NAALAD2: variants seen among roughly 807,000 people sequenced by gnomAD.
The protein encoded by NAALAD2 is N-acetylated alpha-linked acidic dipeptidase 2, also known as N-acetylated-alpha-linked acidic dipeptidase 2.
NAALAD2 carries 89 observed loss-of-function variants against 95.6 expected under a neutral mutation model. That is an observed-to-expected ratio of 0.93 (90% CI 0.78 to 1.11). The LOEUF is 1.11. Among genes scored for constraint, NAALAD2 ranks in the 50% least tolerant of loss-of-function variants. The pLI is 0.00. For synonymous variants in NAALAD2, 264 were observed against 294.4 expected (o/e 0.90, Z 1.06); for missense variants, 894 against 872.4 (o/e 1.02, Z -0.31).
chr11:90,185,723 C>T (rs1043010336), intron 18 of NAALAD2, among the ~76,000 whole-genome samples: 1 of 151,982 alleles, frequency 6.6e-6, no homozygotes, highest in Non-Finnish European at 1.5e-5. Context: ...TACTGAATTT[C>T]AGATTAGGAT....
chr11:90,186,384 T>A (rs559316038), intron 18 of NAALAD2, among the ~76,000 whole-genome samples: 1 of 152,316 alleles, frequency 6.6e-6, no homozygotes, highest in South Asian at 2.1e-4. Context: ...CTGCATAGTA[T>A]TCCATGGTGT....
Position 90,192,740 on chromosome 11 carries a change from G to C in NAALAD2, c.*993G>C, listed in dbSNP as rs1857368844. 1 of 151,944 alleles carries C rather than the reference G, an allele frequency of 6.6e-6. No individual in the cohort carries two copies. Among genetic ancestry groups the C allele is most frequent in the South Asian group, 2.1e-4 (1 of 4,834 alleles). 9.4% of individuals were successfully genotyped at this position (151,944 alleles called of 1,614,324 possible). On this transcript the variant is annotated 3_prime_UTR_variant, in exon 19 of 19. Coordinates refer to ENST00000534061, the MANE Select transcript of NAALAD2 (RefSeq NM_005467.4). ...CTCTACTGAATAAACATATAAGTCT[G>C]ATGGGTGATGAAAATAGCTACTACA...
chr11:90,159,629 T>G (rs1187775494), intron 8 of NAALAD2, among the ~76,000 whole-genome samples: 1 of 152,112 alleles, frequency 6.6e-6, no homozygotes, highest in Non-Finnish European at 1.5e-5. Context: ...GTTTTTCAAA[T>G]AACTTACAAA....
upstream of NAALAD2, chr11:90,134,590 G>C (rs1281081953): frequency 1.7e-6 from 1 of 599,454 alleles, no homozygotes; most frequent in African/African-American, 1.9e-5. Context: ...CCCCATCGAG[G>C]GCCCCTGGGG....
At chr11:90,135,697 TA>T in intron 2 of NAALAD2, 27 bp downstream of exon 2, 1 of 1,566,108 alleles carries the variant, frequency 6.4e-7, no homozygotes. Context: ...TATTTGATCT[TA>T]AAAATCATGT....
chr11:90,186,763 T>C (rs1435300024), intron 18 of NAALAD2, among the ~76,000 whole-genome samples: 13 of 146,010 alleles, frequency 8.9e-5, no homozygotes, highest in Non-Finnish European at 1.8e-4. Context: ...GACATAGGCA[T>C]GGGCAAGGAC....
Position 90,144,757 on chromosome 11 carries a change from G to GAAAAAAAAAAAAAAAA in NAALAD2, c.195-2573_195-2572insAAAAAAAAAAAAAAAA, listed in dbSNP as rs1302696048. On this transcript the variant is annotated intron_variant, in intron 2 of 18. Coordinates refer to ENST00000534061, the MANE Select transcript of NAALAD2 (RefSeq NM_005467.4). ...AACTCCATTAAAAAAAAAAAAAAACGGAAAAGAAAGACAAGGAGGTCAAGG... is the reference window on the plus strand; with the variant it reads ...AACTCCATTAAAAAAAAAAAAAAACGAAAAAAAAAAAAAAAAGAAAAGAAAGACAAGGAGGTCAAGG... Among the ~76,000 whole-genome samples, 107 of 129,426 alleles carry GAAAAAAAAAAAAAAAA rather than the reference G, an allele frequency of 8.3e-4. 7 individuals are homozygous for GAAAAAAAAAAAAAAAA. Among genetic ancestry groups the GAAAAAAAAAAAAAAAA allele is most frequent in the South Asian group, 1.7e-3 (7 of 4,054 alleles). 84.9% of individuals were successfully genotyped at this position (129,426 alleles called of 152,430 possible).
In NAALAD2 at chr11:90,177,086, C is replaced by T. The variant is rs556579432; in HGVS notation, c.1594-767C>T. Among the ~76,000 whole-genome samples the T allele has an allele frequency of 4.6e-5, 7 of 152,022 alleles. 1 individual carries two copies. The Middle Eastern group carries it at 0.01, about 222-fold the overall frequency. On this transcript the variant is annotated intron_variant, in intron 15 of 18. Transcript: ENST00000534061. ...TTAGTGATACTAACAGCAGTAAGAACGATAGCCATACAAGGTGGCAAATAA... is the reference window on the plus strand; with the variant it reads ...TTAGTGATACTAACAGCAGTAAGAATGATAGCCATACAAGGTGGCAAATAA...
intron 3 of NAALAD2, among the ~76,000 whole-genome samples, chr11:90,148,292 GA>G (rs1246526519): frequency 6.6e-6 from 1 of 152,164 alleles, no homozygotes; most frequent in Non-Finnish European, 1.5e-5. Context: ...GAGGATGAGG[GA>G]TGGATTTCAG....
chr11:90,183,030 A>G lies in NAALAD2; in HGVS notation c.2033+22A>G, dbSNP rs746431101. 4.5e-6 allele frequency: 7 copies of G among 1,570,516 alleles called. 1 individual carries two copies. The South Asian group carries it at 6.7e-5, about 15-fold the overall frequency. ...ATAGGTAAGGAAACAACAGGCGCCA[A>G]ATACATCACTGTGACCAAAACCAGC... On this transcript the variant is annotated intron_variant, in intron 18 of 18. Transcript: ENST00000534061.
chr11:90,157,602 A>G (rs115095443), intron 6 of NAALAD2, among the ~76,000 whole-genome samples: 217 of 152,332 alleles, frequency 1.4e-3, no homozygotes, highest in African/African-American at 4.8e-3. Context: ...AAGGTCAAGA[A>G]AATTATGTGA....
At chr11:90,189,937 A>T (rs1857273883) in intron 18 of NAALAD2, among the ~76,000 whole-genome samples, 1 of 152,146 alleles carries the variant, frequency 6.6e-6, no homozygotes, top group African/African-American at 2.4e-5. Context: ...TGTGGAGGGT[A>T]ATTAAATCAT....
chr11:90,141,809 T>C (rs1000695894), intron 2 of NAALAD2, among the ~76,000 whole-genome samples: 5 of 152,164 alleles, frequency 3.3e-5, no homozygotes, highest in Admixed American at 3.3e-4. Context: ...GTAGATTCAT[T>C]GAAATTTTCT....
intron 13 of NAALAD2, among the ~76,000 whole-genome samples, chr11:90,172,015 A>C (rs766140996): frequency 7.3e-5 from 11 of 151,598 alleles, no homozygotes; most frequent in Non-Finnish European, 1.0e-4. Flanking sequence ...AGAAAGAAAG[A>C]AAGCTGATCT....
At position 90,184,557 on chromosome 11, in the gene NAALAD2, C is replaced by G. The variant is rs879528947; in HGVS notation, c.2033+1549C>G. 4.6e-5 allele frequency among the ~76,000 whole-genome samples: 7 copies of G among 152,024 alleles called. 1 individual carries two copies. The highest frequency in any genetic ancestry group is 8.8e-5 in the Non-Finnish European group (6 of 68,008). Reference sequence around the variant, plus strand: ...TATCTACAGTGTTTGTTAGTCCTCTCAGGTGTTGTTATTAGTCTATCTTTA... The same window carrying G: ...TATCTACAGTGTTTGTTAGTCCTCTGAGGTGTTGTTATTAGTCTATCTTTA... On this transcript the variant is annotated intron_variant, in intron 18 of 18. Coordinates refer to ENST00000534061, the MANE Select transcript of NAALAD2 (RefSeq NM_005467.4).
At chr11:90,141,175 A>T (rs1951603187) in intron 2 of NAALAD2, among the ~76,000 whole-genome samples, 1 of 152,118 alleles carries the variant, frequency 6.6e-6, no homozygotes. Flanking sequence ...GATTTCTCTT[A>T]CCTTATTCTT....
chr11:90,177,861 T>A lies in NAALAD2; in HGVS notation c.1602T>A (p.Asp534Glu). The change falls in exon 16 of 19, where the codon GAT (aspartate) becomes GAA (glutamate). Residue 534 changes from aspartate to glutamate, a missense_variant. Coordinates refer to ENST00000534061, the MANE Select transcript of NAALAD2 (RefSeq NM_005467.4). ...RARYTKNKKT[D>E]KYSSYPVYHT... is the part of the protein sequence containing the mutation. ...CTCCATTTTTTTTTCAGAAAACAGA[T>A]AAGTACAGCAGCTACCCAGTGTACC... The A allele has an allele frequency of 1.9e-6, 3 of 1,606,608 alleles. No individual in the cohort carries two copies. The highest frequency in any genetic ancestry group is 2.5e-6 in the Non-Finnish European group (3 of 1,177,786).
chr11:90,185,239 A>G (rs1369871782), intron 18 of NAALAD2, among the ~76,000 whole-genome samples: 1 of 151,966 alleles, frequency 6.6e-6, no homozygotes, highest in Non-Finnish European at 1.5e-5. Context: ...ATTTTTATTT[A>G]CATAAACATC....
At chr11:90,166,338 A>T (rs1420103624) in intron 11 of NAALAD2, among the ~76,000 whole-genome samples, 3 of 152,072 alleles carry the variant, frequency 2.0e-5, no homozygotes, top group African/African-American at 7.2e-5. Flanking sequence ...AGAGAGCGAA[A>T]GAGTCTTATT....
Sources: allele counts gnomAD v4.1 joint callset (sites outside exome capture counted in the v4.1 genomes callset), GRCh38; gene constraint gnomAD v4.1.1; transcripts MANE v1.5; gene names NCBI Gene and HGNC (gene_info 2026-07-23, HGNC 2026-07-21).